The following TNPO2 variants were observed in gnomAD, a reference collection of about 807,000 sequenced individuals.
TNPO2 encodes the protein transportin-2.
TNPO2 carries 16 observed loss-of-function variants against 111.1 expected under a neutral mutation model. The ratio of observed to expected loss-of-function variants is 0.14; its 90% CI spans 0.10 to 0.22. TNPO2 has a LOEUF of 0.22. Ranked by LOEUF, TNPO2 falls within the 10% of genes least tolerant of loss-of-function variation. TNPO2 has a pLI of 1.00. For synonymous variants in TNPO2, 481 were observed against 475.8 expected (o/e 1.01, Z -0.14); for missense variants, 530 against 1,173.7 (o/e 0.45, Z 8.01).
At chr19:12,713,826 G>A (rs1000683253) in intron 10 of TNPO2, among the ~76,000 whole-genome samples, 6 of 152,120 alleles carry the variant, frequency 3.9e-5, no homozygotes, top group Non-Finnish European at 4.4e-5. Flanking sequence ...CCAGGGATCC[G>A]AGACCAGCCA....
chr19:12,723,665 C>A (rs906522128), intron 1 of TNPO2, 104 bp downstream of exon 1: 4 of 152,114 alleles, frequency 2.6e-5, no homozygotes, highest in African/African-American at 9.7e-5. Context: ...GCTCTAATCC[C>A]AAAGAACAAC....
At chr19:12,704,209 A>G (rs761967649) in intron 18 of TNPO2, among the ~76,000 whole-genome samples, 3 of 152,208 alleles carry the variant, frequency 2.0e-5, no homozygotes, top group Non-Finnish European at 4.4e-5. Flanking sequence ...TTTACTAAAA[A>G]TACAATAAAA....
At position 12,715,108 on chromosome 19, in the gene TNPO2, A is replaced by G; in HGVS notation, c.710T>C (p.Leu237Pro). ...AATCCGCACTTCCAGAAGCATCACC[A>G]GGGCACGGCACACATTCTTCCGCAC... Reference protein sequence around the residue: ...PEVRKNVCRALVMLLEVRIDR... With the variant: ...PEVRKNVCRAPVMLLEVRIDR... Residue 237 changes from leucine (L) to proline (P), a missense_variant, in exon 9 of 26, where the codon CTG becomes CCG. Physicochemically the swap from Leu to Pro is moderately conservative, Grantham distance 98. Coordinates refer to ENST00000425528, the MANE Select transcript of TNPO2 (RefSeq NM_001382241.1). The surrounding 1 kb of genome is among the most constrained non-coding windows in gnomAD (Gnocchi z 7.1). 1 of 1,588,734 alleles carries G rather than the reference A, an allele frequency of 6.3e-7. No homozygotes were observed. Among genetic ancestry groups the G allele is most frequent in the East Asian group, 2.2e-5 (1 of 44,638 alleles).
At position 12,699,374 on chromosome 19, in the gene TNPO2, A is replaced by G; in HGVS notation, c.*1890T>C. On this transcript the variant is annotated 3_prime_UTR_variant, in exon 26 of 26. Coordinates refer to ENST00000425528, the MANE Select transcript of TNPO2 (RefSeq NM_001382241.1). ...TGGCTCAAGGCCAGTCTGGGTCCAC[A>G]GCCCTGGGTAGGGGAGAAGGTTGAG... The G allele has an allele frequency of 4.1e-6, 1 of 241,148 alleles. No individual in the cohort carries two copies. The highest frequency in any genetic ancestry group is 9.1e-6 in the Non-Finnish European group (1 of 109,830). The allele number at this position is 241,148 out of a possible 1,614,324, so 14.9% of individuals were successfully genotyped here. A position where few individuals can be genotyped will look rare whatever the true frequency, so the allele number is the denominator to read the frequency against.
chr19:12,719,954 C>A lies in TNPO2; in HGVS notation c.100-618G>T, dbSNP rs1156659483. 7.1e-6 allele frequency among the ~76,000 whole-genome samples: 1 copy of A among 141,452 alleles called. No homozygotes were observed. The highest frequency in any genetic ancestry group is 1.6e-5 in the Non-Finnish European group (1 of 64,402). The allele number at this position is 141,452 out of a possible 152,430, so 92.8% of individuals were successfully genotyped here. ...GATCCCCACTAACAGGCCATGAAGA[C>A]TTTTTTTTTTTTTTTAAAAGAGGGA... is the stretch of plus-strand genomic sequence containing the variant. On this transcript the variant is annotated intron_variant, in intron 3 of 25. Transcript: ENST00000425528. This position sits in a 1 kb window ranked among gnomAD's most constrained non-coding sequence, Gnocchi z 5.0.
In TNPO2 at chr19:12,715,397, G is replaced by A; in HGVS notation, c.566+8C>T. 2 of 1,613,946 alleles carry A rather than the reference G, an allele frequency of 1.2e-6. No individual in the cohort carries two copies. The highest frequency in any genetic ancestry group is 1.7e-6 in the Non-Finnish European group (2 of 1,179,874). ...GCTCCCTGGAAGCCCCCAGGGAGCTGCACCCACCGGATCTTGGGACTGCAG... is the reference window on the plus strand; with the variant it reads ...GCTCCCTGGAAGCCCCCAGGGAGCTACACCCACCGGATCTTGGGACTGCAG... On this transcript the variant is annotated splice_region_variant and intron_variant, in intron 7 of 25. Transcript: ENST00000425528. The surrounding 1 kb of genome is among the most constrained non-coding windows in gnomAD (Gnocchi z 7.1).
At chr19:12,714,778 G>A (rs747309020) in intron 10 of TNPO2, 43 bp downstream of exon 10, 10 of 1,514,784 alleles carry the variant, frequency 6.6e-6, no homozygotes, top group Non-Finnish European at 9.2e-6. Flanking sequence ...GCATAGCAAG[G>A]GGTCGAAGCT....
At chr19:12,714,732 G>A (rs62108394) in intron 10 of TNPO2, 89 bp downstream of exon 10, 6 of 1,011,672 alleles carry the variant, frequency 5.9e-6, no homozygotes, top group Admixed American at 1.9e-5. Context: ...TGTGGACTGA[G>A]AGAAGCACAG....
intron 5 of TNPO2, among the ~76,000 whole-genome samples, chr19:12,717,496 T>C (rs149805594): frequency 0.027 from 4,117 of 152,070 alleles, 180 homozygotes; most frequent in African/African-American, 0.093. Context: ...GGTCTCGAAC[T>C]CCTGACCTCA....
Position 12,706,181 on chromosome 19 carries a change from G to T in TNPO2, c.1668+15C>A. On this transcript the variant is annotated intron_variant, in intron 15 of 25. Coordinates refer to ENST00000425528, the MANE Select transcript of TNPO2 (RefSeq NM_001382241.1). This position sits in a 1 kb window ranked among gnomAD's most constrained non-coding sequence, Gnocchi z 7.0. ...GCACGGGGATCGGGAGGCGGGAGCC[G>T]CTCTGGGGTCTCACCGGCTGGTTGA... The T allele has an allele frequency of 1.2e-6, 2 of 1,612,036 alleles. No individual in the cohort carries two copies. Among genetic ancestry groups the T allele is most frequent in the South Asian group, 1.1e-5 (1 of 90,914 alleles).
chr19:12,719,414 T>A lies in TNPO2; in HGVS notation c.100-78A>T. 7.8e-7 allele frequency: 1 copy of A among 1,279,518 alleles called. No individual in the cohort carries two copies. The allele number at this position is 1,279,518 out of a possible 1,614,324, so 79.3% of individuals were successfully genotyped here. On this transcript the variant is annotated intron_variant, in intron 3 of 25. Coordinates refer to ENST00000425528, the MANE Select transcript of TNPO2 (RefSeq NM_001382241.1). This position sits in a 1 kb window ranked among gnomAD's most constrained non-coding sequence, Gnocchi z 5.0. The stretch of plus-strand genomic sequence containing the variant: ...CCCTCATTATGTACCTGACACTATC[T>A]CTGACCACTGGGACCAGGCTGCCAG...
At chr19:12,704,474 A>G (rs1463371485) in intron 18 of TNPO2, among the ~76,000 whole-genome samples, 1 of 152,164 alleles carries the variant, frequency 6.6e-6, no homozygotes, top group Non-Finnish European at 1.5e-5. Context: ...TATCTAATAC[A>G]ATGTCAACAG....
Position 12,705,865 on chromosome 19 carries a change from C to T in TNPO2, c.1669-97G>A, listed in dbSNP as rs143120589. 1,329 of 929,174 alleles carry T rather than the reference C, an allele frequency of 1.4e-3. 9 individuals are homozygous for T. In the African/African-American group the frequency reaches 0.02, roughly 14 times the overall value. 57.6% of individuals were successfully genotyped at this position (929,174 alleles called of 1,614,324 possible). A position where few individuals can be genotyped will look rare whatever the true frequency, so the allele number is the denominator to read the frequency against. On this transcript the variant is annotated intron_variant, in intron 15 of 25. Coordinates refer to ENST00000425528, the MANE Select transcript of TNPO2 (RefSeq NM_001382241.1). The surrounding 1 kb of genome is among the most constrained non-coding windows in gnomAD (Gnocchi z 7.2). ...GAGTGATGAGGCCTGAGCGCCTCAC[C>T]GTGGCTCATGGGACCCTGAAAGGCC...
chr19:12,701,576 C>G lies in TNPO2; in HGVS notation c.2586+22G>C. The G allele has an allele frequency of 6.2e-7, 1 of 1,613,528 alleles. No individual in the cohort carries two copies. Among genetic ancestry groups the G allele is most frequent in the Admixed American group, 1.7e-5 (1 of 59,998 alleles). On this transcript the variant is annotated intron_variant, in intron 24 of 25. Coordinates refer to ENST00000425528, the MANE Select transcript of TNPO2 (RefSeq NM_001382241.1). The surrounding 1 kb of genome is among the most constrained non-coding windows in gnomAD (Gnocchi z 5.0). ...CCCCTGCCTGCTCCCGGAACTAGAT[C>G]AGGGCCCAGACAGAGCCTCACCTTA...
chr19:12,713,512 TAAATAAAC>T lies in TNPO2; in HGVS notation c.890+1301_890+1308del, dbSNP rs1212505412. ...ATAAATAAATAAATAAATAAATAAA[TAAATAAAC>T]ATACAATATGCTGGGCGTGGTGACT... On this transcript the variant is annotated intron_variant, in intron 10 of 25. Coordinates refer to ENST00000425528, the MANE Select transcript of TNPO2 (RefSeq NM_001382241.1). 3.9e-3 allele frequency among the ~76,000 whole-genome samples: 567 copies of T among 145,716 alleles called. 3 individuals are homozygous for T. The highest frequency in any genetic ancestry group is 0.015 in the African/African-American group (530 of 35,906).
At chr19:12,714,072 C>T (rs576066973) in intron 10 of TNPO2, among the ~76,000 whole-genome samples, 2 of 152,136 alleles carry the variant, frequency 1.3e-5, no homozygotes, top group South Asian at 4.1e-4. Context: ...GCAAGCAATC[C>T]AAGTTTGTCA....
At position 12,721,270 on chromosome 19, in the gene TNPO2, C is replaced by T; in HGVS notation, c.-13-280G>A. Reference sequence around the variant, plus strand: ...GATCCTCATGGGACCCAGCGAAGAGCCCTCGTCCCAGGGTGGCCCATGCCG... The same window carrying T: ...GATCCTCATGGGACCCAGCGAAGAGTCCTCGTCCCAGGGTGGCCCATGCCG... On this transcript the variant is annotated intron_variant, in intron 2 of 25. Coordinates refer to ENST00000425528, the MANE Select transcript of TNPO2 (RefSeq NM_001382241.1). This position sits in a 1 kb window ranked among gnomAD's most constrained non-coding sequence, Gnocchi z 4.9. 7.7e-7 allele frequency: 1 copy of T among 1,294,382 alleles called. No individual in the cohort carries two copies. Among genetic ancestry groups the T allele is most frequent in the Non-Finnish European group, 9.9e-7 (1 of 1,014,350 alleles). The allele number at this position is 1,294,382 out of a possible 1,614,324, so 80.2% of individuals were successfully genotyped here. A position where few individuals can be genotyped will look rare whatever the true frequency, so the allele number is the denominator to read the frequency against.
At position 12,721,608 on chromosome 19, in the gene TNPO2, C is replaced by A. The variant is rs1415493533; in HGVS notation, c.-13-618G>T. Reference sequence around the variant, plus strand: ...TCAAGCTCAGTGGATGCCAGATATCCCCCTCTGTGGCCTAGCCAAATTCTA... The same window carrying A: ...TCAAGCTCAGTGGATGCCAGATATCACCCTCTGTGGCCTAGCCAAATTCTA... On this transcript the variant is annotated intron_variant, in intron 2 of 25. Coordinates refer to ENST00000425528, the MANE Select transcript of TNPO2 (RefSeq NM_001382241.1). The surrounding 1 kb of genome is among the most constrained non-coding windows in gnomAD (Gnocchi z 4.9). 3 of 276,542 alleles carry A rather than the reference C, an allele frequency of 1.1e-5. No individual in the cohort carries two copies. The highest frequency in any genetic ancestry group is 2.1e-5 in the Non-Finnish European group (3 of 140,482). 17.1% of individuals were successfully genotyped at this position (276,542 alleles called of 1,614,324 possible).
In TNPO2 at chr19:12,721,623, G is replaced by C. The variant is rs1252721407; in HGVS notation, c.-13-633C>G. On this transcript the variant is annotated intron_variant, in intron 2 of 25. Coordinates refer to ENST00000425528, the MANE Select transcript of TNPO2 (RefSeq NM_001382241.1). The surrounding 1 kb of genome is among the most constrained non-coding windows in gnomAD (Gnocchi z 4.9). ...GCCAGATATCCCCCTCTGTGGCCTA[G>C]CCAAATTCTAAGGATTCCCCTTAAT... 1.1e-5 allele frequency: 3 copies of C among 268,704 alleles called. No homozygotes were observed. The highest frequency in any genetic ancestry group is 2.2e-5 in the Non-Finnish European group (3 of 136,136). 16.6% of individuals were successfully genotyped at this position (268,704 alleles called of 1,614,324 possible).
Sources: allele counts gnomAD v4.1 joint callset (sites outside exome capture counted in the v4.1 genomes callset), GRCh38; gene constraint gnomAD v4.1.1; non-coding constraint Gnocchi (gnomAD v3.1); transcripts MANE v1.5; gene names NCBI Gene and HGNC (gene_info 2026-07-23, HGNC 2026-07-21).